NEGR1: variants seen among roughly 807,000 people sequenced by gnomAD.
NEGR1 encodes neuronal growth regulator 1, also known as IgLON family member 4.
In NEGR1, 10 loss-of-function variants were observed where a neutral mutation model predicts 40.9. The ratio of observed to expected loss-of-function variants is 0.24; its 90% CI spans 0.15 to 0.42. The LOEUF (loss-of-function observed/expected upper bound fraction) is 0.42. NEGR1 is among the 10% of genes least tolerant of loss of function. The pLI is 1.00. For synonymous variants in NEGR1, 185 were observed against 166.8 expected (o/e 1.11, Z -0.84); for missense variants, 352 against 438.9 (o/e 0.80, Z 1.77).
chr1:71,998,831 A>C (rs1347460458), intron 1 of NEGR1, among the ~76,000 whole-genome samples: 1 of 151,682 alleles, frequency 6.6e-6, no homozygotes, highest in African/African-American at 2.4e-5. Flanking sequence ...AATGAATATT[A>C]TTTATCTACA....
intron 6 of NEGR1, among the ~76,000 whole-genome samples, chr1:71,417,725 A>G (rs1646365597): frequency 6.6e-6 from 1 of 152,182 alleles, no homozygotes; most frequent in African/African-American, 2.4e-5. Context: ...TTCTAGTGTT[A>G]TGATAAGCAA....
intron 1 of NEGR1, among the ~76,000 whole-genome samples, chr1:72,007,804 A>G (rs192243179): frequency 3.4e-4 from 52 of 152,246 alleles, no homozygotes; most frequent in Non-Finnish European, 7.4e-4. Context: ...AAATAATTTC[A>G]GTTCTTTATT....
chr1:72,048,825 A>AT (rs147123386), intron 1 of NEGR1, among the ~76,000 whole-genome samples: 10 of 150,660 alleles, frequency 6.6e-5, no homozygotes, highest in East Asian at 2.0e-4. Context: ...TTAACTGGAC[A>AT]TTTTTTTTTG....
At chr1:71,441,158 G>A (rs767541114) in intron 6 of NEGR1, among the ~76,000 whole-genome samples, 6 of 152,204 alleles carry the variant, frequency 3.9e-5, no homozygotes, top group Non-Finnish European at 8.8e-5. Context: ...GGCATAATGT[G>A]TGGCCATGTG....
At chr1:71,878,357 T>C (rs547818437) in intron 2 of NEGR1, among the ~76,000 whole-genome samples, 1 of 152,280 alleles carries the variant, frequency 6.6e-6, no homozygotes, top group South Asian at 2.1e-4. Context: ...GAAGGGCCTG[T>C]TAAAACAGAA....
At chr1:71,774,910 G>A (rs1656450418) in intron 3 of NEGR1, among the ~76,000 whole-genome samples, 1 of 152,096 alleles carries the variant, frequency 6.6e-6, no homozygotes. Context: ...AATCTCTTTG[G>A]GAGGATGTGC....
At chr1:72,264,427 TAATA>T (rs1333916630) in intron 1 of NEGR1, among the ~76,000 whole-genome samples, 1 of 151,144 alleles carries the variant, frequency 6.6e-6, no homozygotes, top group Admixed American at 6.6e-5. Context: ...TTAAAATTTG[TAATA>T]AATATTTACA....
intron 6 of NEGR1, among the ~76,000 whole-genome samples, chr1:71,423,990 T>C (rs1426942096): frequency 2.6e-5 from 4 of 151,990 alleles, no homozygotes; most frequent in African/African-American, 4.8e-5. Flanking sequence ...GAGGAGATAA[T>C]GTATGTGCCT....
chr1:72,123,165 T>C (rs1649868539), intron 1 of NEGR1, among the ~76,000 whole-genome samples: 1 of 151,960 alleles, frequency 6.6e-6, no homozygotes, highest in African/African-American at 2.4e-5. Context: ...TAATTGTTTC[T>C]GTCTGTGTTC....
chr1:72,261,536 G>A (rs1367083609), intron 1 of NEGR1, among the ~76,000 whole-genome samples: 1 of 151,986 alleles, frequency 6.6e-6, no homozygotes, highest in Admixed American at 6.6e-5. Context: ...GAAAGGCCTT[G>A]TAATTAAAAA....
At chr1:71,954,268 A>G (rs1646098069) in intron 1 of NEGR1, among the ~76,000 whole-genome samples, 1 of 151,996 alleles carries the variant, frequency 6.6e-6, no homozygotes, top group Non-Finnish European at 1.5e-5. Context: ...AGTGTATGAA[A>G]GAAGTGGGGA....
intron 3 of NEGR1, among the ~76,000 whole-genome samples, chr1:71,755,274 C>T (rs1655694109): frequency 6.6e-6 from 1 of 152,120 alleles, no homozygotes; most frequent in Non-Finnish European, 1.5e-5. Flanking sequence ...GTCCTCTTCA[C>T]CTCCACTGTC....
At chr1:71,553,531 A>G (rs911771255) in intron 6 of NEGR1, among the ~76,000 whole-genome samples, 2 of 151,544 alleles carry the variant, frequency 1.3e-5, no homozygotes, top group African/African-American at 4.8e-5. Context: ...GAGTGGAGAA[A>G]TCTGACTCAA....
intron 2 of NEGR1, among the ~76,000 whole-genome samples, chr1:71,807,983 G>A (rs1005365885): frequency 3.3e-5 from 5 of 151,996 alleles, no homozygotes; most frequent in Admixed American, 3.3e-4. Context: ...TACACATATT[G>A]TATCCTTTAA....
At chr1:71,658,075 T>G (rs1651933900) in intron 4 of NEGR1, among the ~76,000 whole-genome samples, 1 of 152,200 alleles carries the variant, frequency 6.6e-6, no homozygotes, top group Non-Finnish European at 1.5e-5. Context: ...CCAAACATAA[T>G]TAATTGCCTC....
chr1:71,572,109 G>A (rs550940915), intron 6 of NEGR1, among the ~76,000 whole-genome samples: 21 of 152,022 alleles, frequency 1.4e-4, no homozygotes, highest in Middle Eastern at 3.4e-3. Flanking sequence ...GGGTTTAAAC[G>A]GGCTTTATTT....
chr1:71,968,181 A>G (rs1209551792), intron 1 of NEGR1, among the ~76,000 whole-genome samples: 2 of 152,206 alleles, frequency 1.3e-5, no homozygotes, highest in African/African-American at 4.8e-5. Flanking sequence ...CGATTATAAA[A>G]AAATGTGCAA....
rs1169365888 is a variant in NEGR1, at chr1:71,928,131, C to T, written c.409+6948G>A. Among the ~76,000 whole-genome samples, 2 of 1,654 alleles carry T rather than the reference C, an allele frequency of 1.2e-3. 1 individual carries two copies. The highest frequency in any genetic ancestry group is 6.7e-3 in the African/African-American group (2 of 298). The allele number at this position is 1,654 out of a possible 152,430, so 1.1% of individuals were successfully genotyped here. A position where few individuals can be genotyped will look rare whatever the true frequency, so the allele number is the denominator to read the frequency against. ...ATATACACATATGTATATATACACA[C>T]ATATGTATATATACACACATATGTA... On this transcript the variant is annotated intron_variant, in intron 2 of 6. Coordinates refer to ENST00000357731, the MANE Select transcript of NEGR1 (RefSeq NM_173808.3).
At chr1:71,804,086 A>T (rs189663357) in intron 2 of NEGR1, among the ~76,000 whole-genome samples, 29 of 152,316 alleles carry the variant, frequency 1.9e-4, no homozygotes, top group African/African-American at 6.7e-4. Flanking sequence ...CAAGGTTGAT[A>T]ACAGGGAGAG....
Sources: allele counts gnomAD v4.1 joint callset (sites outside exome capture counted in the v4.1 genomes callset), GRCh38; gene constraint gnomAD v4.1.1; transcripts MANE v1.5; gene names NCBI Gene and HGNC (gene_info 2026-07-23, HGNC 2026-07-21).